KATNAL2: variants seen among roughly 807,000 people sequenced by gnomAD.
The protein encoded by KATNAL2 is katanin p60 ATPase-containing subunit A-like 2.
KATNAL2 carries 52 observed loss-of-function variants against 76.3 expected under a neutral mutation model. The ratio of observed to expected loss-of-function variants is 0.68; its 90% CI spans 0.55 to 0.86. The LOEUF is 0.86. KATNAL2 is among the 40% of genes least tolerant of loss of function. The pLI, the probability that KATNAL2 is intolerant of heterozygous loss-of-function variation, is 0.00. For missense variants in KATNAL2, 660 were observed against 668.9 expected, an observed-to-expected ratio of 0.99 and a Z score of 0.15; for synonymous variants, 243 against 244.2, an observed-to-expected ratio of 1.00 and a Z score of 0.05.
chr18:46,948,312 A>G (rs1490663637), intron 3 of KATNAL2, among the ~76,000 whole-genome samples: 2 of 150,038 alleles, frequency 1.3e-5, no homozygotes, highest in Non-Finnish European at 3.0e-5. Context: ...GGGTTTCACC[A>G]TGTTGCCCAG....
At chr18:46,924,317 A>G (rs902281512) in intron 1 of KATNAL2, among the ~76,000 whole-genome samples, 7 of 152,166 alleles carry the variant, frequency 4.6e-5, no homozygotes, top group Non-Finnish European at 1.5e-5. Flanking sequence ...TCCCAGCACC[A>G]TTTATTAAAT....
In KATNAL2 at chr18:47,066,888, T is replaced by TAC. The variant is rs1555864210; in HGVS notation, c.727-132_727-131insCA. 57 of 75,836 alleles carry TAC rather than the reference T, an allele frequency of 7.5e-4. 1 individual carries two copies. Among genetic ancestry groups the TAC allele is most frequent in the African/African-American group, 2.4e-3 (55 of 22,818 alleles). 4.7% of individuals were successfully genotyped at this position (75,836 alleles called of 1,614,324 possible). The stretch of plus-strand genomic sequence containing the variant: ...ATATATATATATATATATATATATA[T>TAC]ATATAATATGAACAGTTTTTATCAC... On this transcript the variant is annotated intron_variant, in intron 10 of 17. Coordinates refer to ENST00000683218, the MANE Select transcript of KATNAL2 (RefSeq NM_001387690.1).
In KATNAL2 at chr18:46,946,007, G is replaced by A. The variant is rs562301332; in HGVS notation, c.-509-50G>A. 2.4e-5 allele frequency: 4 copies of A among 167,250 alleles called. No homozygotes were observed. The South Asian group carries it at 5.8e-4, about 24-fold the overall frequency. 10.4% of individuals were successfully genotyped at this position (167,250 alleles called of 1,614,324 possible). On this transcript the variant is annotated intron_variant, in intron 1 of 17. Transcript: ENST00000683218. ...CTTTCAGAAAGCTTGCCCTGAATGG[G>A]AGAAAGGTGATTCAGTTCAACACTT...
At chr18:47,046,370 C>A in intron 3 of KATNAL2, 87 bp from the exon 4 acceptor site, 2 of 864,526 alleles carry the variant, frequency 2.3e-6, no homozygotes, top group Non-Finnish European at 3.7e-6. Flanking sequence ...TTGGCTTTGA[C>A]AGGTTACATT....
intron 3 of KATNAL2, among the ~76,000 whole-genome samples, chr18:46,952,320 C>T (rs2059581817): frequency 6.6e-6 from 1 of 151,786 alleles, no homozygotes; most frequent in Non-Finnish European, 1.5e-5. Flanking sequence ...AGTGATCTTC[C>T]CCCACCCACC....
chr18:46,923,759 T>C (rs565385815), intron 1 of KATNAL2, among the ~76,000 whole-genome samples: 22 of 152,338 alleles, frequency 1.4e-4, no homozygotes, highest in African/African-American at 5.3e-4. Context: ...TTTTTAATGA[T>C]CGACATTCTA....
intron 3 of KATNAL2, among the ~76,000 whole-genome samples, chr18:47,036,021 G>C (rs775534283): frequency 2.6e-5 from 4 of 152,214 alleles, no homozygotes; most frequent in Non-Finnish European, 4.4e-5. Flanking sequence ...TTTCGAGACA[G>C]TAGTTCGAGC....
intron 6 of KATNAL2, among the ~76,000 whole-genome samples, chr18:47,057,818 A>T (rs2571020): frequency 0.45 from 68,546 of 152,070 alleles, 15,370 homozygotes; most frequent in Admixed American, 0.54. Context: ...TGGATTTCCT[A>T]CTGTTTCTTA....
At chr18:47,040,109 C>G (rs920376331) in intron 3 of KATNAL2, among the ~76,000 whole-genome samples, 36 of 152,212 alleles carry the variant, frequency 2.4e-4, no homozygotes, top group Non-Finnish European at 2.9e-5. Context: ...AAGACATAAT[C>G]TCTTATAAGA....
intron 1 of KATNAL2, among the ~76,000 whole-genome samples, chr18:46,922,814 TAA>T (rs1252944196): frequency 6.6e-6 from 1 of 151,070 alleles, no homozygotes; most frequent in Non-Finnish European, 1.5e-5. Flanking sequence ...AAATAAATAA[TAA>T]AAAGTTGAAA....
chr18:47,045,117 A>G (rs1192274172), intron 3 of KATNAL2, among the ~76,000 whole-genome samples: 2 of 149,468 alleles, frequency 1.3e-5, no homozygotes, highest in Non-Finnish European at 3.0e-5. Context: ...ATTAAAAAAG[A>G]AAAAAAATGG....
intron 1 of KATNAL2, among the ~76,000 whole-genome samples, chr18:46,939,748 G>A (rs186715124): frequency 6.6e-6 from 1 of 152,200 alleles, no homozygotes; most frequent in Non-Finnish European, 1.5e-5. Flanking sequence ...TTGAAGATGA[G>A]TCATACTAAT....
At chr18:47,067,329 C>T (rs751916948) in intron 11 of KATNAL2, among the ~76,000 whole-genome samples, 50 of 152,172 alleles carry the variant, frequency 3.3e-4, no homozygotes, top group Non-Finnish European at 7.3e-5. Context: ...TAGTTCAAGA[C>T]AGGTGTCTGA....
intron 3 of KATNAL2, chr18:47,033,770 C>G (rs767164660): frequency 6.2e-7 from 1 of 1,614,206 alleles, no homozygotes; most frequent in South Asian, 1.1e-5. Flanking sequence ...GCAGCTTCCT[C>G]CCGGAACTTT....
chr18:47,088,082 C>T (rs2147342330), intron 15 of KATNAL2, among the ~76,000 whole-genome samples: 1 of 152,274 alleles, frequency 6.6e-6, no homozygotes, highest in East Asian at 1.9e-4. Context: ...CAGTGTTTAG[C>T]TGGAATAGGG....
At chr18:46,956,259 C>G (rs72919256) in intron 3 of KATNAL2, among the ~76,000 whole-genome samples, 1 of 152,108 alleles carries the variant, frequency 6.6e-6, no homozygotes, top group East Asian at 1.9e-4. Context: ...TTAACTCATA[C>G]GATAAACGCA....
intron 1 of KATNAL2, chr18:46,920,006 A>G: frequency 8.1e-7 from 1 of 1,227,706 alleles, no homozygotes; most frequent in South Asian, 1.3e-5. Flanking sequence ...AAAGAGGACC[A>G]ACATAAACAC....
chr18:47,084,221 G>A, intron 15 of KATNAL2: 2 of 631,930 alleles, frequency 3.2e-6, no homozygotes, highest in Non-Finnish European at 5.7e-6. Context: ...TGTTATCTAT[G>A]TTAACCTACT....
At chr18:46,923,845 ATG>A (rs1599295732) in intron 1 of KATNAL2, among the ~76,000 whole-genome samples, 1 of 152,060 alleles carries the variant, frequency 6.6e-6, no homozygotes. Flanking sequence ...GCATTTTTTC[ATG>A]TGTCTTTTGG....
Sources: gnomAD v4.1 joint callset for allele counts (sites outside exome capture counted in the v4.1 genomes callset) on GRCh38, gnomAD v4.1.1 for gene constraint, MANE v1.5 for transcripts, NCBI Gene and HGNC (gene_info 2026-07-23, HGNC 2026-07-21) for gene names.